The following PDE4D variants were observed in gnomAD, a reference collection of about 807,000 sequenced individuals.
The protein encoded by PDE4D is phosphodiesterase 4D, also known as 3',5'-cyclic-AMP phosphodiesterase 4D.
Under a neutral mutation model 87.4 loss-of-function variants are expected in PDE4D, and 24 were observed. The observed-to-expected ratio is 0.27, with a 90% confidence interval of 0.20 to 0.39. The LOEUF (loss-of-function observed/expected upper bound fraction) is 0.39. Ranked by LOEUF, PDE4D falls within the 10% of genes least tolerant of loss-of-function variation. The probability of loss-of-function intolerance (pLI) is 1.00; values close to 1 mark genes in which losing one functional copy is unlikely to be tolerated. For synonymous variants in PDE4D, 384 were observed against 383.2 expected, an observed-to-expected ratio of 1.00 and a Z score of -0.02; for missense variants, 714 against 1,041.0, an observed-to-expected ratio of 0.69 and a Z score of 4.32.
intron 5 of PDE4D, among the ~76,000 whole-genome samples, chr5:59,140,249 T>C (rs568029889): frequency 6.6e-5 from 10 of 152,334 alleles, no homozygotes; most frequent in Non-Finnish European, 1.0e-4. Context: ...GTAATTACTA[T>C]AGCGAGTCAC....
At chr5:60,049,720 C>G (rs1356286804) in intron 2 of PDE4D, among the ~76,000 whole-genome samples, 1 of 152,196 alleles carries the variant, frequency 6.6e-6, no homozygotes, top group East Asian at 1.9e-4. Context: ...GCAGTCTGCC[C>G]GTTCTCAGAT....
intron 1 of PDE4D, among the ~76,000 whole-genome samples, chr5:60,422,473 C>A (rs1304443400): frequency 3.9e-5 from 6 of 152,098 alleles, no homozygotes; most frequent in African/African-American, 1.2e-4. Context: ...GAAATAAAAT[C>A]CTTTACAGAC....
chr5:59,845,002 A>G (rs1440809889), intron 1 of PDE4D, among the ~76,000 whole-genome samples: 10 of 152,068 alleles, frequency 6.6e-5, no homozygotes, highest in Non-Finnish European at 1.5e-4. Context: ...GGTGGCCTCA[A>G]GGGGCTGAGA....
At chr5:60,236,481 A>G (rs1746443000) in intron 1 of PDE4D, among the ~76,000 whole-genome samples, 1 of 151,944 alleles carries the variant, frequency 6.6e-6, no homozygotes, top group Non-Finnish European at 1.5e-5. Context: ...GCAAATAAGC[A>G]CATGAAAAGA....
chr5:60,177,778 CAT>C (rs1480093028), intron 2 of PDE4D, among the ~76,000 whole-genome samples: 1 of 152,282 alleles, frequency 6.6e-6, no homozygotes, highest in Admixed American at 6.5e-5. Flanking sequence ...TCATGTTACA[CAT>C]GAGTGATATA....
chr5:59,938,233 A>G (rs1189779102), intron 3 of PDE4D, among the ~76,000 whole-genome samples: 1 of 152,176 alleles, frequency 6.6e-6, no homozygotes, highest in Non-Finnish European at 1.5e-5. Flanking sequence ...TTCACTTTGT[A>G]TCATTGCTAA....
At chr5:59,750,817 TCCCAGCTACC>T (rs1356240628) in intron 1 of PDE4D, among the ~76,000 whole-genome samples, 2 of 151,946 alleles carry the variant, frequency 1.3e-5, no homozygotes, top group Non-Finnish European at 2.9e-5. Context: ...GTGCCTGTAG[TCCCAGCTACC>T]TGAGAGGTTG....
chr5:60,010,887 C>T (rs1212877095), intron 2 of PDE4D, among the ~76,000 whole-genome samples: 1 of 152,100 alleles, frequency 6.6e-6, no homozygotes, highest in African/African-American at 2.4e-5. Flanking sequence ...ACTAAAACCT[C>T]TTAATAACTT....
At chr5:59,006,648 C>G (rs12697170) in intron 6 of PDE4D, among the ~76,000 whole-genome samples, 15,563 of 152,118 alleles carry the variant, frequency 0.1, 1,040 homozygotes, top group Non-Finnish European at 0.13. Context: ...CCTAGAAATA[C>G]CCCTCAGAAT....
intron 1 of PDE4D, chr5:59,430,191 C>A: frequency 9.3e-7 from 1 of 1,070,606 alleles, no homozygotes; most frequent in South Asian, 4.9e-5. Flanking sequence ...AAACTAACTT[C>A]TCACCCTGAC....
In PDE4D at chr5:60,368,474, T is replaced by C. The variant is rs1273120650; in HGVS notation, c.-90+119468A>G. Among the ~76,000 whole-genome samples the C allele has an allele frequency of 2.0e-5, 3 of 152,200 alleles. No individual in the cohort carries two copies. The East Asian group carries it at 5.8e-4, about 29-fold the overall frequency. On this transcript the variant is annotated intron_variant, in intron 1 of 16. Coordinates refer to the PDE4D transcript ENST00000502484. ...TCCCTCTGGCCACATTTTGCTTTAATGCATGAAACAGGAATTACCATCAAC... is the reference window on the plus strand; with the variant it reads ...TCCCTCTGGCCACATTTTGCTTTAACGCATGAAACAGGAATTACCATCAAC...
chr5:60,072,028 A>G (rs1052983772), intron 2 of PDE4D, among the ~76,000 whole-genome samples: 4 of 152,156 alleles, frequency 2.6e-5, no homozygotes, highest in Non-Finnish European at 4.4e-5. Context: ...TCCCTTGCGT[A>G]TACATCCAGT....
At chr5:59,069,578 C>G (rs890375684) in intron 5 of PDE4D, among the ~76,000 whole-genome samples, 2 of 151,350 alleles carry the variant, frequency 1.3e-5, no homozygotes, top group Admixed American at 6.6e-5. Context: ...CCTGAGCAAC[C>G]AGGAAAACAG....
At chr5:59,814,472 A>T (rs184987193) in intron 1 of PDE4D, among the ~76,000 whole-genome samples, 3 of 152,306 alleles carry the variant, frequency 2.0e-5, no homozygotes, top group East Asian at 3.9e-4. Context: ...GCTTCCTAAG[A>T]CACATGTCTA....
chr5:59,455,106 T>C (rs1799716647), intron 1 of PDE4D, among the ~76,000 whole-genome samples: 1 of 152,122 alleles, frequency 6.6e-6, no homozygotes, highest in Admixed American at 6.5e-5. Flanking sequence ...TGTGGAGAAA[T>C]TCAAGCCAGC....
At chr5:60,290,252 C>T (rs1583317070) in intron 1 of PDE4D, among the ~76,000 whole-genome samples, 1 of 151,692 alleles carries the variant, frequency 6.6e-6, no homozygotes, top group Non-Finnish European at 1.5e-5. Context: ...ACAGAAGGCA[C>T]AAAGCACTAA....
chr5:60,220,818 C>T (rs1744409002), intron 1 of PDE4D, among the ~76,000 whole-genome samples: 1 of 152,042 alleles, frequency 6.6e-6, no homozygotes, highest in Non-Finnish European at 1.5e-5. Flanking sequence ...AGTGAAATAC[C>T]TACTTCACTT....
intron 1 of PDE4D, among the ~76,000 whole-genome samples, chr5:59,437,998 T>C (rs1797028869): frequency 6.6e-6 from 1 of 152,102 alleles, no homozygotes; most frequent in Non-Finnish European, 1.5e-5. Flanking sequence ...GGGGAAACAC[T>C]AGAAGCTTAT....
chr5:59,435,770 C>G (rs190880095), intron 1 of PDE4D, among the ~76,000 whole-genome samples: 26 of 152,298 alleles, frequency 1.7e-4, no homozygotes, highest in African/African-American at 5.5e-4. Flanking sequence ...CAAGTCTTTC[C>G]TGAACTCCCT....
Sources: gnomAD v4.1 joint callset for allele counts (sites outside exome capture counted in the v4.1 genomes callset) on GRCh38, gnomAD v4.1.1 for gene constraint, MANE v1.5 for transcripts, NCBI Gene and HGNC (gene_info 2026-07-23, HGNC 2026-07-21) for gene names.